Variants in GARIN5B observed in about 807,000 individuals in gnomAD.
GARIN5B encodes the protein Golgi-associated RAB2 interactor protein 5B.
At chr19:55,356,480 G>A in the GARIN5B span, among the ~76,000 whole-genome samples, 1 of 151,770 alleles carries the variant, frequency 6.6e-6, no homozygotes, top group Admixed American at 6.6e-5. Flanking sequence ...GCTAATTTTT[G>A]TATATTTAGT....
the GARIN5B span, chr19:55,358,961 A>AAGGC: frequency 6.4e-7 from 1 of 1,551,114 alleles, no homozygotes. Context: ...CTGGCCCCTG[A>AAGGC]AGGCCTCCAG....
the GARIN5B span, chr19:55,361,159 A>G: frequency 1.9e-6 from 3 of 1,550,922 alleles, no homozygotes; most frequent in South Asian, 3.6e-5. Context: ...GGCCCACACC[A>G]CCCCGCCGGC....
chr19:55,359,954 G>T, the GARIN5B span: 1 of 1,549,486 alleles, frequency 6.5e-7, no homozygotes, highest in South Asian at 1.2e-5. Flanking sequence ...CTGGCCTGTG[G>T]CTTCATCAGA....
chr19:55,355,226 G>A, the GARIN5B span: 1 of 771,400 alleles, frequency 1.3e-6, no homozygotes, highest in African/African-American at 2.1e-5. Context: ...CCGCCCCCAG[G>A]TCTAAGGCAG....
chr19:55,360,901 G>T, the GARIN5B span: 1 of 1,543,160 alleles, frequency 6.5e-7, no homozygotes, highest in African/African-American at 1.4e-5. Context: ...GGGTCTGAGT[G>T]GGACCTGCAG....
chr19:55,358,951 C>T, the GARIN5B span: 5,302 of 1,551,244 alleles, frequency 3.4e-3, 157 homozygotes, highest in African/African-American at 0.064. Context: ...CCAACTTCCC[C>T]TGGCCCCTGA....
chr19:55,361,294 T>C, the GARIN5B span: 3 of 1,545,150 alleles, frequency 1.9e-6, no homozygotes, highest in Non-Finnish European at 2.6e-6. Flanking sequence ...CACGAGGACC[T>C]ACCCCAGGAG....
At chr19:55,361,501 G>A in the GARIN5B span, 78 of 1,423,558 alleles carry the variant, frequency 5.5e-5, no homozygotes, top group Non-Finnish European at 6.8e-5. Context: ...CCAGCGAGAG[G>A]CCTAGGCCCC....
At chr19:55,357,786 G>T in the GARIN5B span, among the ~76,000 whole-genome samples, 24 of 152,372 alleles carry the variant, frequency 1.6e-4, no homozygotes, top group Middle Eastern at 6.8e-3. Flanking sequence ...AGGCGTGGTG[G>T]CTCACGCCTG....
the GARIN5B span, among the ~76,000 whole-genome samples, chr19:55,356,214 A>G: frequency 1.3e-5 from 2 of 151,920 alleles, no homozygotes; most frequent in Non-Finnish European, 2.9e-5. Flanking sequence ...TCTAAAAAAA[A>G]AAAAGAAAAG....
chr19:55,358,971 G>A, the GARIN5B span: 1 of 1,551,164 alleles, frequency 6.4e-7, no homozygotes, highest in Non-Finnish European at 8.7e-7. Flanking sequence ...AAGGCCTCCA[G>A]GGTCACCTCC....
chr19:55,362,103 C>T, the GARIN5B span: 1 of 1,196,288 alleles, frequency 8.4e-7, no homozygotes. Flanking sequence ...CTCAGGGGTC[C>T]AGGCCCCCAG....
the GARIN5B span, chr19:55,359,837 G>C: frequency 1.9e-6 from 3 of 1,551,462 alleles, no homozygotes; most frequent in Non-Finnish European, 2.6e-6. Flanking sequence ...GAGGTCTTCC[G>C]TGTCCTGATG....
the GARIN5B span, among the ~76,000 whole-genome samples, chr19:55,357,843 C>T: frequency 2.2e-4 from 33 of 152,324 alleles, no homozygotes; most frequent in Admixed American, 6.5e-4. Flanking sequence ...CACTTGAGGT[C>T]AGGAGTTCAA....
At chr19:55,358,793 G>C in the GARIN5B span, 1 of 1,549,468 alleles carries the variant, frequency 6.5e-7, no homozygotes, top group Non-Finnish European at 8.7e-7. Context: ...CGCTTCCACA[G>C]AGAAGGGCCT....
the GARIN5B span, chr19:55,362,677 A>G: frequency 6.5e-7 from 1 of 1,545,414 alleles, no homozygotes; most frequent in Middle Eastern, 1.7e-4. Flanking sequence ...GGCCACGCCC[A>G]TGGCCAGCCG....
chr19:55,362,394 C>T, the GARIN5B span: 34 of 1,550,482 alleles, frequency 2.2e-5, no homozygotes, highest in Non-Finnish European at 3.0e-5. Context: ...ACCTCGTTGT[C>T]AGGGGCGTCC....
the GARIN5B span, chr19:55,362,748 A>G: frequency 3.9e-6 from 6 of 1,523,222 alleles, no homozygotes; most frequent in South Asian, 6.1e-5. Flanking sequence ...GCAGCCAGGG[A>G]GAGGGGGCTG....
At chr19:55,362,545 A>AG in the GARIN5B span, 3 of 662,364 alleles carry the variant, frequency 4.5e-6, no homozygotes, top group Non-Finnish European at 5.8e-6. Context: ...GGAGGGGTGG[A>AG]GGGGGCGGCC....
Sources: allele counts gnomAD v4.1 joint callset (sites outside exome capture counted in the v4.1 genomes callset), GRCh38; gene constraint gnomAD v4.1.1; transcripts MANE v1.5; gene names NCBI Gene and HGNC (gene_info 2026-07-23, HGNC 2026-07-21).